Variants in ITPR2 observed in about 807,000 individuals in gnomAD.
ITPR2 encodes inositol 1,4,5-trisphosphate receptor type 2, also known as inositol 1,4,5-trisphosphate-gated calcium channel ITPR2.
In ITPR2, 207 loss-of-function variants were observed where a neutral mutation model predicts 317.1. The ratio of observed to expected loss-of-function variants is 0.65; its 90% CI spans 0.58 to 0.73. The LOEUF (loss-of-function observed/expected upper bound fraction) is 0.73, where lower values mean the gene tolerates loss of function less well. Ranked by LOEUF, ITPR2 falls within the 30% of genes least tolerant of loss-of-function variation. The pLI is 0.00. For synonymous variants in ITPR2, 1,156 were observed against 1,149.1 expected, an observed-to-expected ratio of 1.01 and a Z score of -0.12; for missense variants, 2,613 against 3,284.0, an observed-to-expected ratio of 0.80 and a Z score of 4.99.
intron 55 of ITPR2, among the ~76,000 whole-genome samples, chr12:26,344,703 G>T (rs555127209): frequency 1.7e-4 from 26 of 152,056 alleles, no homozygotes; most frequent in Non-Finnish European, 3.7e-4. Flanking sequence ...AATAATCCTT[G>T]CTTGTGTTTA....
At chr12:26,489,085 G>A (rs541005412) in intron 39 of ITPR2, among the ~76,000 whole-genome samples, 1 of 152,116 alleles carries the variant, frequency 6.6e-6, no homozygotes, top group East Asian at 1.9e-4. Flanking sequence ...TTAAGAACGA[G>A]GTATCTACAA....
chr12:26,733,501 G>A (rs35531611), intron 2 of ITPR2, among the ~76,000 whole-genome samples: 68,143 of 151,688 alleles, frequency 0.45, 16,030 homozygotes, highest in Non-Finnish European at 0.52. Flanking sequence ...AAACTAATGA[G>A]TGGTTTTCAA....
At chr12:26,567,969 T>TATAATATATATAATA (rs1491378302) in intron 34 of ITPR2, among the ~76,000 whole-genome samples, 3 of 14,402 alleles carry the variant, frequency 2.1e-4, no homozygotes, top group African/African-American at 6.3e-4. Context: ...TATATATATA[T>TATAATATATATAATA]TATATATATT....
intron 55 of ITPR2, among the ~76,000 whole-genome samples, chr12:26,359,672 G>A (rs1014356743): frequency 1.1e-4 from 16 of 152,256 alleles, no homozygotes; most frequent in African/African-American, 3.4e-4. Flanking sequence ...GTGGGGAAGC[G>A]TAGGTGTGTC....
At chr12:26,502,456 A>T (rs1943091450) in intron 37 of ITPR2, among the ~76,000 whole-genome samples, 2 of 152,222 alleles carry the variant, frequency 1.3e-5, no homozygotes, top group South Asian at 4.1e-4. Flanking sequence ...ATAAAATCAC[A>T]CTCAAAGACA....
chr12:26,415,748 A>G (rs1412402276), intron 50 of ITPR2, among the ~76,000 whole-genome samples: 4 of 152,218 alleles, frequency 2.6e-5, no homozygotes, highest in Non-Finnish European at 5.9e-5. Context: ...AACCAACATA[A>G]TATCAATTTA....
chr12:26,376,215 A>G (rs889968475), intron 55 of ITPR2, among the ~76,000 whole-genome samples: 4 of 152,238 alleles, frequency 2.6e-5, no homozygotes, highest in African/African-American at 7.2e-5. Flanking sequence ...TTTCTAACTT[A>G]CAATTGTGGA....
In ITPR2 at chr12:26,711,192, C is replaced by A. The variant is rs1484230170; in HGVS notation, c.932G>T (p.Gly311Val). 7.4e-6 allele frequency: 12 copies of A among 1,612,580 alleles called. No homozygotes were observed. The highest frequency in any genetic ancestry group is 1.0e-5 in the Non-Finnish European group (12 of 1,178,726). ...SLFRFKHLATGNYLAAELNPD... is the reference protein window; with the variant it reads ...SLFRFKHLATVNYLAAELNPD... ...TCTTACCTCTGCAGCTAAATAGTTT[C>A]CAGTTGCAAGATGCTTAAATCTGAA... Residue 311 changes from glycine (G) to valine (V), a missense_variant, in exon 9 of 57, where the codon GGA (glycine) becomes GTA (valine). Gly to Val is a moderately radical substitution (Grantham distance 109, BLOSUM62 -3). Around this residue, in one of 9 missense-constraint regions of ITPR2, gnomAD observed 515 missense variants for 789.4 expected, o/e 0.65. Transcript: ENST00000381340.
intron 16 of ITPR2, 27 bp downstream of exon 16, chr12:26,659,086 A>G: frequency 6.4e-7 from 1 of 1,572,912 alleles, no homozygotes; most frequent in Non-Finnish European, 8.7e-7. Context: ...TCCACTAGAA[A>G]AGAATACCGC....
intron 45 of ITPR2, among the ~76,000 whole-genome samples, chr12:26,473,224 G>A (rs1942336260): frequency 1.3e-5 from 2 of 152,134 alleles, no homozygotes; most frequent in Non-Finnish European, 2.9e-5. Context: ...GCTTCAAACT[G>A]AAGTTACCTA....
At chr12:26,375,576 A>T (rs577754262) in intron 55 of ITPR2, among the ~76,000 whole-genome samples, 1 of 152,358 alleles carries the variant, frequency 6.6e-6, no homozygotes, top group East Asian at 1.9e-4. Flanking sequence ...AAATCTGAGT[A>T]GTAGACTTTT....
intron 34 of ITPR2, among the ~76,000 whole-genome samples, chr12:26,566,100 G>A (rs1358312286): frequency 3.0e-5 from 4 of 133,436 alleles, no homozygotes; most frequent in African/African-American, 1.1e-4. Context: ...GAGAGGAGAA[G>A]GTGAGGAAAG....
rs1240984927 is a variant in ITPR2 at position 26,682,634 on chromosome 12, T to G, written c.1188A>C (p.Thr396=). Residue 396 remains threonine, a synonymous_variant, in exon 12 of 57, where the codon ACA becomes ACC. Coordinates refer to ENST00000381340, the MANE Select transcript of ITPR2 (RefSeq NM_002223.4). ...YVRLRHLCTN[T]WVTSTSIPID... is the part of the protein sequence containing the mutation. ...TGGGGATACTAGTACTGGTTACCCA[T>G]GTGTTGGTGCATAAATGCCTTAACC... The G allele has an allele frequency of 6.2e-7, 1 of 1,613,106 alleles. No homozygotes were observed. Among genetic ancestry groups the G allele is most frequent in the African/African-American group, 1.3e-5 (1 of 74,866 alleles).
At chr12:26,369,284 T>C (rs1271448395) in intron 55 of ITPR2, among the ~76,000 whole-genome samples, 2 of 152,164 alleles carry the variant, frequency 1.3e-5, no homozygotes, top group Non-Finnish European at 2.9e-5. Context: ...ATTTATGTTT[T>C]AGATTTTTTT....
chr12:26,651,426 C>A (rs1231415277), intron 21 of ITPR2, among the ~76,000 whole-genome samples: 1 of 152,172 alleles, frequency 6.6e-6, no homozygotes, highest in Non-Finnish European at 1.5e-5. Flanking sequence ...ATAAATAAAG[C>A]CAACCATTTT....
intron 32 of ITPR2, among the ~76,000 whole-genome samples, chr12:26,588,477 G>A (rs770578529): frequency 1.9e-4 from 29 of 152,078 alleles, no homozygotes; most frequent in Admixed American, 6.5e-5. Flanking sequence ...GAGCCCTTTT[G>A]AATGAGATTT....
At chr12:26,763,743 A>C (rs1949675383) in intron 2 of ITPR2, among the ~76,000 whole-genome samples, 1 of 152,114 alleles carries the variant, frequency 6.6e-6, no homozygotes, top group African/African-American at 2.4e-5. Context: ...AGCCCTAAAG[A>C]AGTGAAGGGA....
chr12:26,459,136 C>G (rs1941955688), intron 45 of ITPR2, among the ~76,000 whole-genome samples: 1 of 152,130 alleles, frequency 6.6e-6, no homozygotes, highest in South Asian at 2.1e-4. Context: ...ATATGAGGAG[C>G]CTCAGGAAAT....
At chr12:26,343,558 A>G (rs1254263975) in intron 55 of ITPR2, among the ~76,000 whole-genome samples, 1 of 152,190 alleles carries the variant, frequency 6.6e-6, no homozygotes, top group Admixed American at 6.5e-5. Flanking sequence ...TATATATTTT[A>G]CCACCATTTA....
Sources: gnomAD v4.1 joint callset for allele counts (sites outside exome capture counted in the v4.1 genomes callset) on GRCh38, gnomAD v4.1.1 for gene constraint, gnomAD v4.1.1 regional missense constraint, MANE v1.5 for transcripts, NCBI Gene and HGNC (gene_info 2026-07-23, HGNC 2026-07-21) for gene names.